Variants in DMD observed in about 807,000 individuals in gnomAD.
DMD encodes the protein mutant dystrophin.
A neutral mutation model predicts 330.1 loss-of-function variants in DMD; 63 were observed. The observed-to-expected ratio is 0.19, with a 90% confidence interval of 0.16 to 0.24. DMD has a LOEUF of 0.24. DMD is among the 10% of genes least tolerant of loss of function. The pLI is 1.00. For missense variants in DMD, 3,344 were observed against 2,684.1 expected, an observed-to-expected ratio of 1.25 and a Z score of -5.43; for synonymous variants, 1,223 against 959.8, an observed-to-expected ratio of 1.27 and a Z score of -5.07.
intron 44 of DMD, among the ~76,000 whole-genome samples, chrX:31,992,001 C>T (rs1007254406): frequency 7.2e-5 from 8 of 111,436 alleles, no homozygotes; most frequent in Non-Finnish European, 1.5e-4. Context: ...ATGCATGATA[C>T]AAGGTGATAA....
At chrX:32,645,889 C>A (rs143796506) in intron 9 of DMD, among the ~76,000 whole-genome samples, 1 of 111,899 alleles carries the variant, frequency 8.9e-6, no homozygotes. Context: ...GCAAAGTGTA[C>A]GAAGCATCCA....
chrX:31,297,489 C>T (rs760689430), intron 62 of DMD, among the ~76,000 whole-genome samples: 1 of 111,669 alleles, frequency 9.0e-6, no homozygotes, highest in Admixed American at 9.5e-5. Context: ...TGCCACTGGA[C>T]TTTATTTAGA....
At chrX:31,974,065 T>C (rs1037531647) in intron 44 of DMD, among the ~76,000 whole-genome samples, 4 of 111,837 alleles carry the variant, frequency 3.6e-5, no homozygotes, top group Non-Finnish European at 7.5e-5. Flanking sequence ...ATATACACCA[T>C]GAAATACTAC....
At chrX:31,167,695 T>C (rs781158487) in intron 74 of DMD, among the ~76,000 whole-genome samples, 19 of 112,119 alleles carry the variant, frequency 1.7e-4, no homozygotes, top group Non-Finnish European at 3.4e-4. Context: ...ATCTCAAAAG[T>C]ACGGCCAAAA....
chrX:31,792,705 G>A lies in DMD; in HGVS notation c.7310-18513C>T, dbSNP rs114597997. On this transcript the variant is annotated intron_variant, in intron 50 of 78. Transcript: ENST00000357033. ...CACTGGAGGGAGTGTGCAAGCAAAC[G>A]AGGTGGGAACTGGAGTGCATGAGCA... 6.5e-3 allele frequency among the ~76,000 whole-genome samples: 730 copies of A among 111,859 alleles called. 6 individuals are homozygous for A. The highest frequency in any genetic ancestry group is 0.022 in the African/African-American group (693 of 30,828).
chrX:32,797,656 G>A (rs1161588534), intron 7 of DMD, among the ~76,000 whole-genome samples: 1 of 111,529 alleles, frequency 9.0e-6, no homozygotes, highest in African/African-American at 3.3e-5. Context: ...ATATGACTAG[G>A]AAAACCATCC....
At chrX:32,984,590 G>C (rs1479294855) in intron 2 of DMD, among the ~76,000 whole-genome samples, 1 of 111,782 alleles carries the variant, frequency 8.9e-6, no homozygotes, top group Non-Finnish European at 1.9e-5. Context: ...CTATAAAAAG[G>C]GAAGTAAAAA....
intron 44 of DMD, among the ~76,000 whole-genome samples, chrX:32,210,673 G>A (rs1368894172): frequency 9.0e-6 from 1 of 111,441 alleles, no homozygotes; most frequent in African/African-American, 3.3e-5. Context: ...TGCCATGTTA[G>A]GTGTATCCTA....
chrX:32,659,303 C>T (rs1245211695), intron 9 of DMD, among the ~76,000 whole-genome samples: 1 of 111,761 alleles, frequency 8.9e-6, no homozygotes, highest in Non-Finnish European at 1.9e-5. Flanking sequence ...ATTTATGTTA[C>T]ATACCTTTGT....
intron 26 of DMD, 65 bp downstream of exon 26, chrX:32,454,597 T>G: frequency 1.1e-6 from 1 of 935,815 alleles, no homozygotes; most frequent in Non-Finnish European, 1.5e-6. Flanking sequence ...TCAAGCATTG[T>G]TGCATTTCTT....
chrX:33,257,600 A>C (rs2052879953), intron 1 of DMD, among the ~76,000 whole-genome samples: 1 of 111,307 alleles, frequency 9.0e-6, no homozygotes, highest in African/African-American at 3.2e-5. Flanking sequence ...ATACTTGGAA[A>C]TAAAATATAT....
chrX:33,305,734 T>C (rs553459231), intron 1 of DMD, among the ~76,000 whole-genome samples: 2 of 111,273 alleles, frequency 1.8e-5, no homozygotes, highest in African/African-American at 6.5e-5. Context: ...TTTCATTCTA[T>C]GTTATAAAAA....
intron 2 of DMD, among the ~76,000 whole-genome samples, chrX:32,860,622 T>C (rs1044564829): frequency 9.0e-6 from 1 of 111,421 alleles, no homozygotes; most frequent in African/African-American, 3.3e-5. Context: ...AAAGGTATTG[T>C]ATAATAAAGC....
intron 1 of DMD, among the ~76,000 whole-genome samples, chrX:33,287,380 C>T (rs748057464): frequency 4.5e-5 from 5 of 110,021 alleles, no homozygotes; most frequent in South Asian, 7.9e-4. Flanking sequence ...CTACCACTTC[C>T]GCAGTAATTA....
chrX:32,960,976 C>T (rs1307730962), intron 2 of DMD, among the ~76,000 whole-genome samples: 3 of 102,255 alleles, frequency 2.9e-5, no homozygotes, highest in Admixed American at 2.2e-4. Context: ...TTACATTGAA[C>T]GTATTTACGT....
chrX:32,472,342 C>T (rs753189204), intron 21 of DMD, 33 bp from the exon 22 acceptor site: 1 of 1,199,220 alleles, frequency 8.3e-7, no homozygotes, highest in South Asian at 1.8e-5. Context: ...ATGAGAATCA[C>T]TTAATTGTTT....
intron 34 of DMD, among the ~76,000 whole-genome samples, chrX:32,368,373 A>G (rs1230296570): frequency 9.0e-6 from 1 of 111,497 alleles, no homozygotes; most frequent in Non-Finnish European, 1.9e-5. Context: ...AGCATGAATG[A>G]CTACAAGGGA....
chrX:31,767,402 A>T (rs765193525), intron 51 of DMD, among the ~76,000 whole-genome samples: 1 of 107,008 alleles, frequency 9.3e-6, no homozygotes, highest in African/African-American at 3.3e-5. Context: ...GAGAAATGAG[A>T]TGTGTAAGAA....
At chrX:32,399,084 T>A (rs1446445124) in intron 30 of DMD, among the ~76,000 whole-genome samples, 1 of 111,853 alleles carries the variant, frequency 8.9e-6, no homozygotes, top group African/African-American at 3.2e-5. Context: ...AGAAATCAAA[T>A]CAAAATGGAT....
Sources: gnomAD v4.1 joint callset for allele counts (sites outside exome capture counted in the v4.1 genomes callset) on GRCh38, gnomAD v4.1.1 for gene constraint, MANE v1.5 for transcripts, NCBI Gene and HGNC (gene_info 2026-07-23, HGNC 2026-07-21) for gene names.